The following CCT6B variants were observed in gnomAD, a reference collection of about 807,000 sequenced individuals.
CCT6B encodes chaperonin containing TCP1 subunit 6B.
CCT6B carries 49 observed loss-of-function variants against 61.5 expected under a neutral mutation model. The observed-to-expected ratio is 0.80, with a 90% confidence interval of 0.63 to 1.01. The LOEUF is 1.01. Among genes scored for constraint, CCT6B ranks in the 50% least tolerant of loss-of-function variants. The pLI is 0.00. For missense variants in CCT6B, 666 were observed against 634.7 expected (o/e 1.05, Z -0.53); for synonymous variants, 228 against 214.5 (o/e 1.06, Z -0.55).
intron 10 of CCT6B, among the ~76,000 whole-genome samples, chr17:34,934,122 CTG>C: frequency 7.2e-6 from 1 of 138,608 alleles, no homozygotes; most frequent in African/African-American, 2.7e-5. Context: ...GATCGAGACT[CTG>C]TTTCAAAAAG....
chr17:34,953,779 C>T (rs1252616528), intron 4 of CCT6B, among the ~76,000 whole-genome samples: 1 of 151,918 alleles, frequency 6.6e-6, no homozygotes, highest in Non-Finnish European at 1.5e-5. Flanking sequence ...CATAGTGAGA[C>T]CCCATCTCTA....
At chr17:34,956,065 G>A (rs2090344103) in intron 3 of CCT6B, among the ~76,000 whole-genome samples, 1 of 152,120 alleles carries the variant, frequency 6.6e-6, no homozygotes, top group South Asian at 2.1e-4. Context: ...ATGCCAACCT[G>A]ACCATATCAG....
At position 34,961,117 on chromosome 17, in the gene CCT6B, T is replaced by C. The variant is rs118062470; in HGVS notation, c.137+140A>G. The C allele has an allele frequency of 5.2e-4, 558 of 1,078,390 alleles. 1 individual carries two copies. Among genetic ancestry groups the C allele is most frequent in the Non-Finnish European group, 6.8e-4 (537 of 792,000 alleles). 66.8% of individuals were successfully genotyped at this position (1,078,390 alleles called of 1,614,324 possible). On this transcript the variant is annotated intron_variant, in intron 1 of 13. Transcript: ENST00000314144. Reference sequence around the variant, plus strand: ...TCCTCCACCTGCACCAGGCGAGAAATACCCCCAGAGCAGGGATGAGAATGA... The same window carrying C: ...TCCTCCACCTGCACCAGGCGAGAAACACCCCCAGAGCAGGGATGAGAATGA...
chr17:34,954,287 G>A (rs772393418), intron 4 of CCT6B, 139 bp downstream of exon 4: 5 of 624,470 alleles, frequency 8.0e-6, no homozygotes, highest in Admixed American at 3.3e-5. Flanking sequence ...TCTACAGTTA[G>A]GCCTATACAA....
At chr17:34,950,928 CAAA>C (rs773347367) in intron 5 of CCT6B, among the ~76,000 whole-genome samples, 2 of 96,644 alleles carry the variant, frequency 2.1e-5, no homozygotes, top group Non-Finnish European at 2.2e-5. Flanking sequence ...GACTCCATCT[CAAA>C]AAAAAAAAAA....
At chr17:34,941,557 T>C (rs1195037960) in intron 7 of CCT6B, among the ~76,000 whole-genome samples, 1 of 152,230 alleles carries the variant, frequency 6.6e-6, no homozygotes, top group Admixed American at 6.5e-5. Flanking sequence ...TGACAACAAA[T>C]ACTGTCAGTT....
chr17:34,958,123 T>C (rs1302935199), intron 3 of CCT6B, among the ~76,000 whole-genome samples: 1 of 152,226 alleles, frequency 6.6e-6, no homozygotes, highest in Non-Finnish European at 1.5e-5. Context: ...TTTCCATTTA[T>C]AATTGTCCAA....
intron 10 of CCT6B, among the ~76,000 whole-genome samples, chr17:34,934,697 A>G (rs971442138): frequency 6.6e-6 from 1 of 152,242 alleles, no homozygotes; most frequent in Non-Finnish European, 1.5e-5. Flanking sequence ...CTCCAGGCTC[A>G]GATGGCTTTA....
At chr17:34,929,348 T>C (rs1204442458) in intron 12 of CCT6B, among the ~76,000 whole-genome samples, 1 of 152,106 alleles carries the variant, frequency 6.6e-6, no homozygotes, top group Non-Finnish European at 1.5e-5. Flanking sequence ...CCTCTTAACG[T>C]TGGAGTACCC....
At chr17:34,936,917 C>A (rs1250532242) in intron 10 of CCT6B, among the ~76,000 whole-genome samples, 2 of 152,068 alleles carry the variant, frequency 1.3e-5, no homozygotes, top group Non-Finnish European at 2.9e-5. Context: ...CTTTGGGAGG[C>A]CAAGGCGGGA....
chr17:34,934,637 G>A (rs77804092), intron 10 of CCT6B, among the ~76,000 whole-genome samples: 2,696 of 152,054 alleles, frequency 0.018, 77 homozygotes, highest in African/African-American at 0.061. Context: ...ATAGCCCTAC[G>A]TCTATTAAAA....
intron 9 of CCT6B, 126 bp downstream of exon 9, chr17:34,939,491 T>C: frequency 1.2e-6 from 1 of 820,216 alleles, no homozygotes; most frequent in Non-Finnish European, 1.9e-6. Flanking sequence ...GTAAATAAAC[T>C]GTAAAATCTG....
intron 7 of CCT6B, among the ~76,000 whole-genome samples, chr17:34,941,403 C>T (rs1156670038): frequency 1.3e-5 from 2 of 152,088 alleles, no homozygotes; most frequent in African/African-American, 4.8e-5. Context: ...GGAAACTTTG[C>T]CTATCTCAGT....
chr17:34,959,446 T>G, intron 2 of CCT6B, 141 bp downstream of exon 2: 1 of 586,102 alleles, frequency 1.7e-6, no homozygotes, highest in Non-Finnish European at 2.9e-6. Context: ...AATTTTTTTA[T>G]TGAGGTCTAA....
chr17:34,958,570 T>C lies in CCT6B; in HGVS notation c.326A>G (p.Tyr109Cys). The C allele has an allele frequency of 1.3e-6, 2 of 1,555,248 alleles. No homozygotes were observed. The highest frequency in any genetic ancestry group is 1.7e-6 in the Non-Finnish European group (2 of 1,149,800). The change falls in exon 3 of 14, where the codon TAC becomes TGC. Residue 109 changes from tyrosine (Y) to cysteine (C), a missense_variant. Coordinates refer to ENST00000314144, the MANE Select transcript of CCT6B (RefSeq NM_006584.4). ...IGELLKQADLYISEGLHPRII... is the reference protein window; with the variant it reads ...IGELLKQADLCISEGLHPRII... ...GTGAAATTCTAATACCTCAGAAATGTACAGGTCAGCTTGTTTTAATAACTC... is the reference window on the plus strand; with the variant it reads ...GTGAAATTCTAATACCTCAGAAATGCACAGGTCAGCTTGTTTTAATAACTC...
chr17:34,939,077 C>G (rs1168968977), intron 10 of CCT6B, 106 bp downstream of exon 10: 1 of 945,428 alleles, frequency 1.1e-6, no homozygotes, highest in African/African-American at 1.7e-5. Context: ...GAGGAAGACT[C>G]TGTCTAAAAA....
intron 12 of CCT6B, among the ~76,000 whole-genome samples, chr17:34,929,816 A>C (rs956456957): frequency 1.3e-5 from 2 of 151,560 alleles, no homozygotes; most frequent in Non-Finnish European, 2.9e-5. Flanking sequence ...GCCTGGCCTG[A>C]CTCTCAGGTT....
intron 5 of CCT6B, chr17:34,943,899 C>T (rs1386917073): frequency 6.6e-6 from 1 of 151,314 alleles, no homozygotes. Flanking sequence ...GGAGGTGTTT[C>T]TTCCTGTTTT....
rs1286461055 is a variant in CCT6B, at chr17:34,957,011, G to A, written c.336+1549C>T. On this transcript the variant is annotated intron_variant, in intron 3 of 13. Coordinates refer to ENST00000314144, the MANE Select transcript of CCT6B (RefSeq NM_006584.4). ...ATTTCTAAAGACAGGGTCTCACTAT[G>A]TTGCCCAGGCTGGTCTCAAATTCCT... Among the ~76,000 whole-genome samples the A allele has an allele frequency of 9.2e-5, 14 of 151,800 alleles. No individual in the cohort carries two copies. In the East Asian group the frequency reaches 2.7e-3, roughly 30 times the overall value.
Sources: allele counts gnomAD v4.1 joint callset (sites outside exome capture counted in the v4.1 genomes callset), GRCh38; gene constraint gnomAD v4.1.1; transcripts MANE v1.5; gene names NCBI Gene and HGNC (gene_info 2026-07-23, HGNC 2026-07-21).